WASHC5: variants seen among roughly 807,000 people sequenced by gnomAD.
The protein encoded by WASHC5 is WASH complex subunit strumpellin.
Under a neutral mutation model 150.4 loss-of-function variants are expected in WASHC5, and 101 were observed. That is an observed-to-expected ratio of 0.67 (90% CI 0.57 to 0.79). The LOEUF (loss-of-function observed/expected upper bound fraction) is 0.79, where lower values mean the gene tolerates loss of function less well. Among genes scored for constraint, WASHC5 ranks in the 30% least tolerant of loss-of-function variants. The pLI is 0.00. For synonymous variants in WASHC5, 467 were observed against 491.2 expected, an observed-to-expected ratio of 0.95 and a Z score of 0.65; for missense variants, 1,195 against 1,396.3, an observed-to-expected ratio of 0.86 and a Z score of 2.30.
intron 26 of WASHC5, among the ~76,000 whole-genome samples, chr8:125,035,442 G>C (rs1033119520): frequency 3.3e-5 from 5 of 152,182 alleles, no homozygotes; most frequent in Non-Finnish European, 7.3e-5. Context: ...TATTCCTATT[G>C]AATAATAACA....
intron 28 of WASHC5, among the ~76,000 whole-genome samples, chr8:125,026,768 C>T (rs1042716657): frequency 2.6e-5 from 4 of 152,030 alleles, no homozygotes; most frequent in African/African-American, 9.7e-5. Context: ...TAGTTGCATA[C>T]CAGTAGCACC....
intron 26 of WASHC5, among the ~76,000 whole-genome samples, chr8:125,036,225 T>A (rs1015313256): frequency 6.6e-6 from 1 of 152,210 alleles, no homozygotes; most frequent in African/African-American, 2.4e-5. Flanking sequence ...TGCATCCTGT[T>A]GAAAGAACAG....
At chr8:125,087,196 A>G (rs558070404) in intron 1 of WASHC5, among the ~76,000 whole-genome samples, 1 of 152,338 alleles carries the variant, frequency 6.6e-6, no homozygotes, top group South Asian at 2.1e-4. Flanking sequence ...TTCATTTTCT[A>G]TAATGCTGTG....
chr8:125,043,129 C>T (rs917229522), intron 23 of WASHC5, among the ~76,000 whole-genome samples: 2 of 152,172 alleles, frequency 1.3e-5, no homozygotes, highest in African/African-American at 4.8e-5. Flanking sequence ...TCATTTAACT[C>T]TGTCTTTCAC....
rs1325051146 is a variant in WASHC5, at chr8:125,083,891, T to A, written c.8A>T (p.Asp3Val). Residue 3 changes from aspartate (D) to valine (V), a missense_variant, in exon 2 of 29, where the codon GAC becomes GTC. Asp to Val is a radical substitution (Grantham distance 152). Coordinates refer to ENST00000318410, the MANE Select transcript of WASHC5 (RefSeq NM_014846.4). ML[D>V]FLAENNLCGQ... ...ACAGAGGTTGTTCTCGGCTAGAAAG[T>A]CCAACATTGTGAGGCGGACCGACTA... is the stretch of plus-strand genomic sequence containing the variant. 6 of 1,613,706 alleles carry A rather than the reference T, an allele frequency of 3.7e-6. No homozygotes were observed. The South Asian group carries it at 6.6e-5, about 18-fold the overall frequency.
chr8:125,027,364 A>C (rs1815403663), intron 28 of WASHC5, among the ~76,000 whole-genome samples: 2 of 152,254 alleles, frequency 1.3e-5, no homozygotes, highest in South Asian at 4.1e-4. Flanking sequence ...TCGTGGAACC[A>C]ACCTAAGTGT....
rs370503575 is a variant in WASHC5 at position 125,079,116 on chromosome 8, G to GTGTATATATA, written c.519-187_519-186insTATATATACA. Among the ~76,000 whole-genome samples the GTGTATATATA allele has an allele frequency of 2.7e-4, 26 of 97,912 alleles. 1 individual carries two copies. The highest frequency in any genetic ancestry group is 9.6e-4 in the African/African-American group (21 of 21,762). 64.2% of individuals were successfully genotyped at this position (97,912 alleles called of 152,430 possible). ...TGTGTATATATATGTGTGTGTGTGT[G>GTGTATATATA]TATATATATATATATATATATATAC... On this transcript the variant is annotated intron_variant, in intron 5 of 28. Transcript: ENST00000318410.
chr8:125,050,770 C>A (rs544639161), intron 17 of WASHC5, 105 bp from the exon 18 acceptor site: 13 of 792,164 alleles, frequency 1.6e-5, no homozygotes, highest in African/African-American at 1.2e-4. Flanking sequence ...CATTTTCCTA[C>A]CTCCTCACTA....
At chr8:125,075,738 T>C (rs1377692231) in intron 7 of WASHC5, among the ~76,000 whole-genome samples, 1 of 152,182 alleles carries the variant, frequency 6.6e-6, no homozygotes, top group Non-Finnish European at 1.5e-5. Flanking sequence ...ACAGCCGATA[T>C]AGAAGCAGAA....
At chr8:125,061,302 C>T (rs981958949) in intron 11 of WASHC5, 108 bp from the exon 12 acceptor site, 64 of 689,338 alleles carry the variant, frequency 9.3e-5, no homozygotes, top group Non-Finnish European at 1.5e-4. Context: ...GAGCTTTAAC[C>T]GTGGGCCTAA....
chr8:125,039,569 T>C (rs1216371152), intron 24 of WASHC5, among the ~76,000 whole-genome samples: 1 of 152,106 alleles, frequency 6.6e-6, no homozygotes, highest in Non-Finnish European at 1.5e-5. Flanking sequence ...GTCTGCTGAA[T>C]ACACGAATCC....
chr8:125,060,124 A>G (rs752251357), intron 12 of WASHC5, among the ~76,000 whole-genome samples: 1 of 152,256 alleles, frequency 6.6e-6, no homozygotes, highest in Non-Finnish European at 1.5e-5. Flanking sequence ...AGTATTAATT[A>G]TATCTCTAAA....
At position 125,032,240 on chromosome 8, in the gene WASHC5, C is replaced by A. The variant is rs1282908430; in HGVS notation, c.3335+1G>T. 1 of 1,614,062 alleles carries A rather than the reference C, an allele frequency of 6.2e-7. No homozygotes were observed. The highest frequency in any genetic ancestry group is 8.5e-7 in the Non-Finnish European group (1 of 1,179,992). ...ACGTAGTCCTGGTTGGTCTTCTGTA[C>A]CTTGTACACTGCTCCACCGTGGAGC... On this transcript the variant is annotated splice_donor_variant, in intron 27 of 28. Transcript: ENST00000318410. LOFTEE classifies it high-confidence loss of function.
chr8:125,083,097 C>T lies in WASHC5; in HGVS notation c.332+16G>A, dbSNP rs1244982324. On this transcript the variant is annotated intron_variant, in intron 3 of 28. Coordinates refer to ENST00000318410, the MANE Select transcript of WASHC5 (RefSeq NM_014846.4). ...TATTTACTACCAGAATAAGCTATTC[C>T]TAAATAGATCAATACCTGTTTAAGT... is the stretch of plus-strand genomic sequence containing the variant. The T allele has an allele frequency of 7.6e-6, 11 of 1,443,732 alleles. No homozygotes were observed. Among genetic ancestry groups the T allele is most frequent in the Non-Finnish European group, 1.1e-5 (11 of 1,027,982 alleles). 89.4% of individuals were successfully genotyped at this position (1,443,732 alleles called of 1,614,324 possible). A position where few individuals can be genotyped will look rare whatever the true frequency, so the allele number is the denominator to read the frequency against.
intron 8 of WASHC5, among the ~76,000 whole-genome samples, chr8:125,074,402 C>T (rs1374408176): frequency 6.6e-6 from 1 of 152,110 alleles, no homozygotes; most frequent in African/African-American, 2.4e-5. Flanking sequence ...AGTAACTGAG[C>T]CAGGATGAGG....
rs148240691 is a variant in WASHC5 at position 125,038,693 on chromosome 8, G to C, written c.3084+137C>G. 124 of 997,694 alleles carry C rather than the reference G, an allele frequency of 1.2e-4. 1 individual carries two copies. The highest frequency in any genetic ancestry group is 4.3e-4 in the Middle Eastern group (2 of 4,668). 61.8% of individuals were successfully genotyped at this position (997,694 alleles called of 1,614,324 possible). Reference sequence around the variant, plus strand: ...GGAAAGTGTGATGATTGCTTAGAAAGGGCAGGGAACTGAATGGAATGAAGG... The same window carrying C: ...GGAAAGTGTGATGATTGCTTAGAAACGGCAGGGAACTGAATGGAATGAAGG... On this transcript the variant is annotated intron_variant, in intron 25 of 28. Transcript: ENST00000318410.
intron 26 of WASHC5, among the ~76,000 whole-genome samples, chr8:125,033,023 C>A (rs1815586760): frequency 6.6e-6 from 1 of 151,888 alleles, no homozygotes; most frequent in African/African-American, 2.4e-5. Flanking sequence ...GCCTTGAATT[C>A]CAGGGCTCAA....
At chr8:125,048,204 A>C (rs533654082) in intron 19 of WASHC5, among the ~76,000 whole-genome samples, 97 of 152,320 alleles carry the variant, frequency 6.4e-4, no homozygotes, top group African/African-American at 2.2e-3. Flanking sequence ...CATGTAATAT[A>C]AAAATCCAAA....
chr8:125,073,277 C>T lies in WASHC5; in HGVS notation c.1026G>A (p.Gln342=), dbSNP rs769522163. 3 of 1,613,924 alleles carry T rather than the reference C, an allele frequency of 1.9e-6. No homozygotes were observed. The African/African-American group carries it at 4.0e-5, about 22-fold the overall frequency. Residue 342 remains glutamine, a synonymous_variant, in exon 9 of 29, where the codon CAG becomes CAA. Transcript: ENST00000318410. ...TVSERVHAQV[Q]QFLKEGYLRE... ...TTAAATAACCTTCTTTTAGAAATTG[C>T]TGCACTTGAGCATGCACTCTTTCAC...
Sources: gnomAD v4.1 joint callset for allele counts (sites outside exome capture counted in the v4.1 genomes callset) on GRCh38, gnomAD v4.1.1 for gene constraint, MANE v1.5 for transcripts, NCBI Gene and HGNC (gene_info 2026-07-23, HGNC 2026-07-21) for gene names.